Variants in TNR observed in about 807,000 individuals in gnomAD.
TNR encodes tenascin R.
TNR carries 45 observed loss-of-function variants against 150.4 expected under a neutral mutation model. The ratio of observed to expected loss-of-function variants is 0.30; its 90% CI spans 0.24 to 0.38. The LOEUF is 0.38. Ranked by LOEUF, TNR falls within the 10% of genes least tolerant of loss-of-function variation. The pLI, the probability that TNR is intolerant of heterozygous loss-of-function variation, is 1.00. For missense variants in TNR, 1,544 were observed against 1,759.1 expected (o/e 0.88, Z 2.19); for synonymous variants, 687 against 678.4 (o/e 1.01, Z -0.20).
intron 7 of TNR, among the ~76,000 whole-genome samples, chr1:175,387,659 C>G (rs1490638616): frequency 6.6e-6 from 1 of 152,202 alleles, no homozygotes; most frequent in Admixed American, 6.5e-5. Flanking sequence ...CCAGTAAATT[C>G]TCTCTTTTGC....
chr1:175,679,226 T>G (rs936472035), intron 1 of TNR, among the ~76,000 whole-genome samples: 1 of 152,206 alleles, frequency 6.6e-6, no homozygotes, highest in Admixed American at 6.5e-5. Flanking sequence ...AGCTGCAACA[T>G]CACTCAGGCT....
At chr1:175,479,901 T>C in intron 2 of TNR, among the ~76,000 whole-genome samples, 1 of 152,020 alleles carries the variant, frequency 6.6e-6, no homozygotes, top group East Asian at 1.9e-4. Context: ...CTAATCTACC[T>C]CAAATCTCCA....
chr1:175,423,986 G>A (rs902182701), intron 2 of TNR, among the ~76,000 whole-genome samples: 3 of 152,040 alleles, frequency 2.0e-5, no homozygotes, highest in African/African-American at 7.3e-5. Context: ...AGATAAATCA[G>A]TAAGTCTATA....
At chr1:175,330,342 G>C in intron 20 of TNR, 107 bp from the exon 21 acceptor site, 3,759 of 1,015,772 alleles carry the variant, frequency 3.7e-3, no homozygotes, top group Non-Finnish European at 4.7e-3. Flanking sequence ...AAGAGGAGGG[G>C]ACTCCAGATT....
intron 4 of TNR, among the ~76,000 whole-genome samples, chr1:175,400,522 C>T (rs1000334661): frequency 2.0e-5 from 3 of 152,182 alleles, no homozygotes; most frequent in African/African-American, 7.2e-5. Context: ...TCCCTTGGCA[C>T]ACTATGAGGA....
In TNR at chr1:175,537,001, CT is replaced by C. The variant is rs1272950687; in HGVS notation, c.-164-8633del. ...TTCCCCACTCCACCTTCCATTCCCACTTTTTTGCCCACAGCCTCTCTGCATC... is the reference window on the plus strand; with the variant it reads ...TTCCCCACTCCACCTTCCATTCCCACTTTTTGCCCACAGCCTCTCTGCATC... On this transcript the variant is annotated intron_variant, in intron 1 of 22. Transcript: ENST00000367674. Among the ~76,000 whole-genome samples the C allele has an allele frequency of 1.2e-3, 190 of 152,262 alleles. 3 individuals carry two copies. Among genetic ancestry groups the C allele is most frequent in the Non-Finnish European group, 7.4e-5 (5 of 68,016 alleles).
At chr1:175,480,680 G>A (rs1055935518) in intron 2 of TNR, among the ~76,000 whole-genome samples, 5 of 152,186 alleles carry the variant, frequency 3.3e-5, no homozygotes, top group East Asian at 1.9e-4. Context: ...GTTTACAGAC[G>A]TTAAGAGGCT....
chr1:175,525,985 C>T (rs1009242183), intron 2 of TNR, among the ~76,000 whole-genome samples: 11 of 151,494 alleles, frequency 7.3e-5, no homozygotes, highest in African/African-American at 2.7e-4. Flanking sequence ...AAACATTGAA[C>T]CATTTGTTTA....
At chr1:175,562,361 C>G (rs1661465367) in intron 1 of TNR, among the ~76,000 whole-genome samples, 1 of 152,204 alleles carries the variant, frequency 6.6e-6, no homozygotes, top group African/African-American at 2.4e-5. Flanking sequence ...CCAAGTGCCT[C>G]ACATGGCCAG....
rs554520801 is a variant in TNR at position 175,694,889 on chromosome 1, A to G, written c.-165+48337T>C. Among the ~76,000 whole-genome samples, 21 of 152,360 alleles carry G rather than the reference A, an allele frequency of 1.4e-4. No homozygotes were observed. The South Asian group carries it at 4.3e-3, about 32-fold the overall frequency. On this transcript the variant is annotated intron_variant, in intron 1 of 22. Transcript: ENST00000367674. ...CAGACTTCTAGCCTCCAGTACCATG[A>G]GAAAGTCAATATCTATGGTTTAAGC... is the stretch of plus-strand genomic sequence containing the variant.
At position 175,702,171 on chromosome 1, in the gene TNR, A is replaced by G. The variant is rs551937705; in HGVS notation, c.-165+41055T>C. ...ACATTCTGTGGTTATTGTATCTTCCATGTGTGCTAAATGACCACACACTGG... is the reference window on the plus strand; with the variant it reads ...ACATTCTGTGGTTATTGTATCTTCCGTGTGTGCTAAATGACCACACACTGG... On this transcript the variant is annotated intron_variant, in intron 1 of 22. Coordinates refer to ENST00000367674, the MANE Select transcript of TNR (RefSeq NM_003285.3). 3.9e-5 allele frequency among the ~76,000 whole-genome samples: 6 copies of G among 152,304 alleles called. No homozygotes were observed. In the East Asian group the frequency reaches 1.2e-3, roughly 29 times the overall value.
At chr1:175,517,026 AG>A (rs1486314799) in intron 2 of TNR, among the ~76,000 whole-genome samples, 3 of 144,148 alleles carry the variant, frequency 2.1e-5, no homozygotes, top group African/African-American at 8.5e-5. Flanking sequence ...AGAGAGAGAG[AG>A]AGAGAGAGAG....
chr1:175,323,317 A>C lies in TNR; in HGVS notation c.*40T>G, dbSNP rs763917010. The C allele has an allele frequency of 6.2e-7, 1 of 1,608,416 alleles. No individual in the cohort carries two copies. The highest frequency in any genetic ancestry group is 1.1e-5 in the South Asian group (1 of 90,254). ...TGTTTCATATTATAAAATACAAACA[A>C]ATGACAGAAAATATTGGTTGGCTTG... On this transcript the variant is annotated 3_prime_UTR_variant, in exon 23 of 23. Coordinates refer to ENST00000367674, the MANE Select transcript of TNR (RefSeq NM_003285.3).
chr1:175,536,216 A>G (rs1660274164), intron 1 of TNR, among the ~76,000 whole-genome samples: 1 of 152,192 alleles, frequency 6.6e-6, no homozygotes, highest in Non-Finnish European at 1.5e-5. Context: ...TTATACCATT[A>G]TTTTGAGAAG....
intron 1 of TNR, among the ~76,000 whole-genome samples, chr1:175,631,044 G>T (rs936554199): frequency 6.6e-6 from 1 of 152,188 alleles, no homozygotes; most frequent in East Asian, 1.9e-4. Context: ...GTGGGTCAGC[G>T]GGTGTTCTCA....
Position 175,370,087 on chromosome 1 carries a change from T to C in TNR, c.1964-2790A>G, listed in dbSNP as rs140507847. ...TGGCAACACCAGTGGAGGTAAACTT[T>C]GAAGTTTGACAGACTTTGACGTCTG... On this transcript the variant is annotated intron_variant, in intron 9 of 22. Coordinates refer to ENST00000367674, the MANE Select transcript of TNR (RefSeq NM_003285.3). 3.6e-3 allele frequency among the ~76,000 whole-genome samples: 553 copies of C among 152,302 alleles called. 7 individuals are homozygous for C. Among genetic ancestry groups the C allele is most frequent in the African/African-American group, 0.013 (531 of 41,556 alleles).
chr1:175,633,043 C>G (rs796279695), intron 1 of TNR, among the ~76,000 whole-genome samples: 1 of 152,180 alleles, frequency 6.6e-6, no homozygotes, highest in African/African-American at 2.4e-5. Flanking sequence ...ACACTGTCCC[C>G]TCTATCTGGA....
chr1:175,619,266 A>T (rs932235346), intron 1 of TNR, among the ~76,000 whole-genome samples: 1 of 152,214 alleles, frequency 6.6e-6, no homozygotes, highest in Non-Finnish European at 1.5e-5. Context: ...AGCATTGTCC[A>T]TTCCTGTCCA....
chr1:175,680,054 T>C (rs1433076464), intron 1 of TNR, among the ~76,000 whole-genome samples: 2 of 152,140 alleles, frequency 1.3e-5, no homozygotes, highest in African/African-American at 2.4e-5. Context: ...CTGAGAACCA[T>C]GTACACCCCC....
Sources: allele counts gnomAD v4.1 joint callset (sites outside exome capture counted in the v4.1 genomes callset), GRCh38; gene constraint gnomAD v4.1.1; transcripts MANE v1.5; gene names NCBI Gene and HGNC (gene_info 2026-07-23, HGNC 2026-07-21).